TUSC3: variants seen among roughly 807,000 people sequenced by gnomAD.
TUSC3 encodes tumor suppressor candidate 3.
In TUSC3, 45 loss-of-function variants were observed where a neutral mutation model predicts 44.8. The ratio of observed to expected loss-of-function variants is 1.00; its 90% CI spans 0.79 to 1.29. The LOEUF (loss-of-function observed/expected upper bound fraction) is 1.29. TUSC3 is among the 50% of genes most tolerant of loss of function. TUSC3 has a pLI of 0.00. For synonymous variants in TUSC3, 212 were observed against 152.9 expected (o/e 1.39, Z -2.85); for missense variants, 519 against 437.9 (o/e 1.19, Z -1.65).
Position 15,631,909 on chromosome 8 carries a change from G to A in TUSC3, c.308+8660G>A, listed in dbSNP as rs534328814. Among the ~76,000 whole-genome samples, 51 of 152,040 alleles carry A rather than the reference G, an allele frequency of 3.4e-4. No homozygotes were observed. The East Asian group carries it at 6.8e-3, about 20-fold the overall frequency. ...TTTTTAGTAGAGATGGGGTTTCAGC[G>A]TGTTGGCCAGGCTGGTCTTGAACTC... On this transcript the variant is annotated intron_variant, in intron 2 of 10. Transcript: ENST00000503731.
chr8:15,507,408 G>A (rs1801071475), intron 2 of TUSC3, among the ~76,000 whole-genome samples: 1 of 152,082 alleles, frequency 6.6e-6, no homozygotes, highest in South Asian at 2.1e-4. Context: ...TCTTAATAAA[G>A]AACTGCACAG....
chr8:15,680,482 C>G (rs888444504), intron 6 of TUSC3, among the ~76,000 whole-genome samples: 3 of 151,824 alleles, frequency 2.0e-5, no homozygotes, highest in African/African-American at 7.3e-5. Context: ...TTTATAAAGC[C>G]TTTTGGTAGA....
chr8:15,425,425 A>G (rs994363637), intron 1 of TUSC3, among the ~76,000 whole-genome samples: 9 of 152,232 alleles, frequency 5.9e-5, no homozygotes, highest in South Asian at 2.1e-4. Flanking sequence ...TAATCCTATG[A>G]TGAAAATTAA....
chr8:15,593,219 G>A (rs1036446870), intron 1 of TUSC3, among the ~76,000 whole-genome samples: 5 of 152,064 alleles, frequency 3.3e-5, no homozygotes, highest in African/African-American at 9.7e-5. Context: ...CTGAGTAGCT[G>A]GGATTATTGG....
intron 1 of TUSC3, among the ~76,000 whole-genome samples, chr8:15,611,422 C>T (rs765649251): frequency 5.9e-5 from 9 of 152,096 alleles, no homozygotes; most frequent in Non-Finnish European, 8.8e-5. Flanking sequence ...CTCCTGACCT[C>T]GTGATCTGCC....
chr8:15,648,757 G>T (rs371066226), intron 2 of TUSC3, among the ~76,000 whole-genome samples: 4 of 42,300 alleles, frequency 9.5e-5, no homozygotes, highest in Admixed American at 2.6e-4. Flanking sequence ...AAAAAAAAAA[G>T]ACATCTCCTG....
chr8:15,700,924 A>T (rs1288033779), intron 6 of TUSC3, among the ~76,000 whole-genome samples: 1 of 135,440 alleles, frequency 7.4e-6, no homozygotes, highest in Non-Finnish European at 1.5e-5. Context: ...CCAGTCCAGG[A>T]TATGTGAAGT....
At chr8:15,590,949 T>C (rs1035493475) in intron 1 of TUSC3, among the ~76,000 whole-genome samples, 4 of 152,148 alleles carry the variant, frequency 2.6e-5, no homozygotes, top group African/African-American at 9.7e-5. Flanking sequence ...GCTTGAATTA[T>C]AGGCTTGAGG....
chr8:15,661,542 C>G (rs903983161), intron 4 of TUSC3, among the ~76,000 whole-genome samples: 1 of 151,874 alleles, frequency 6.6e-6, no homozygotes, highest in African/African-American at 2.4e-5. Flanking sequence ...TCTATAGGCA[C>G]GTAATGTCCA....
intron 1 of TUSC3, among the ~76,000 whole-genome samples, chr8:15,550,929 C>A (rs933467204): frequency 6.6e-6 from 1 of 151,704 alleles, no homozygotes; most frequent in Non-Finnish European, 1.5e-5. Context: ...GCCTCGGCCT[C>A]CCAAGTGCTG....
At chr8:15,836,214 G>A in the TUSC3 span, among the ~76,000 whole-genome samples, 1 of 151,682 alleles carries the variant, frequency 6.6e-6, no homozygotes, top group South Asian at 2.1e-4. Flanking sequence ...GGTAGTACAT[G>A]CCTGTAATCC....
intron 6 of TUSC3, 92 bp downstream of exon 6, chr8:15,673,928 T>G (rs1808068951): frequency 8.8e-7 from 1 of 1,133,294 alleles, no homozygotes; most frequent in Admixed American, 1.8e-5. Flanking sequence ...TAGGAAAAGA[T>G]TCTGTTTGTC....
Position 15,456,986 on chromosome 8 carries a change from C to G in TUSC3, n.92-26400C>G, listed in dbSNP as rs114114740. ...CAATTCCAAGTGTACAGAAGATACT[C>G]ATGTTACAGAAACTAGCAAATGAAC... On this transcript the variant is annotated intron_variant and non_coding_transcript_variant, in intron 1 of 5. Transcript: ENST00000503191. Among the ~76,000 whole-genome samples the G allele has an allele frequency of 1.2e-3, 186 of 152,210 alleles. 1 individual carries two copies. The East Asian group carries it at 0.034, about 27-fold the overall frequency.
upstream of TUSC3, among the ~76,000 whole-genome samples, chr8:15,536,604 C>T (rs1336491998): frequency 7.1e-6 from 1 of 140,482 alleles, no homozygotes; most frequent in Non-Finnish European, 1.5e-5. Flanking sequence ...AGAGCTTGAA[C>T]CTGGGAGGCG....
the TUSC3 span, among the ~76,000 whole-genome samples, chr8:15,797,221 C>T: frequency 1.3e-5 from 2 of 152,210 alleles, no homozygotes; most frequent in African/African-American, 4.8e-5. Flanking sequence ...TCAGTGGAGA[C>T]TGTTGGTTTG....
intron 2 of TUSC3, among the ~76,000 whole-genome samples, chr8:15,492,553 G>T (rs1030476112): frequency 1.2e-4 from 19 of 152,052 alleles, no homozygotes; most frequent in African/African-American, 4.3e-4. Flanking sequence ...CCTATTTCTG[G>T]AAGTGTTTAA....
chr8:15,784,911 C>T, the TUSC3 span, among the ~76,000 whole-genome samples: 656 of 152,118 alleles, frequency 4.3e-3, 15 homozygotes, highest in Non-Finnish European at 9.9e-4. Flanking sequence ...TAAATATTCT[C>T]ATTACAAAGA....
chr8:15,772,132 A>C, the TUSC3 span, among the ~76,000 whole-genome samples: 6 of 152,002 alleles, frequency 3.9e-5, no homozygotes, highest in African/African-American at 1.4e-4. Flanking sequence ...TTAATATCCC[A>C]AGTACACTTT....
intron 6 of TUSC3, among the ~76,000 whole-genome samples, chr8:15,692,375 GTTTTTTTT>G (rs59838929): frequency 7.3e-5 from 5 of 68,338 alleles, no homozygotes; most frequent in Admixed American, 2.4e-4. Flanking sequence ...CCCCCCCTTT[GTTTTTTTT>G]TTTTTTTTTT....
Sources: allele counts gnomAD v4.1 joint callset (sites outside exome capture counted in the v4.1 genomes callset), GRCh38; gene constraint gnomAD v4.1.1; transcripts MANE v1.5; gene names NCBI Gene and HGNC (gene_info 2026-07-23, HGNC 2026-07-21).